Variants in RGS7 observed in about 807,000 individuals in gnomAD.
RGS7 encodes the protein regulator of G protein signaling 7, also known as regulator of G-protein signaling 7.
Under a neutral mutation model 81.1 loss-of-function variants are expected in RGS7, and 27 were observed. The observed-to-expected ratio is 0.33, with a 90% CI of 0.25 to 0.46. RGS7 has a LOEUF of 0.46. RGS7 is among the 20% of genes least tolerant of loss of function. The probability of loss-of-function intolerance (pLI) is 1.00; values close to 1 mark genes in which losing one functional copy is unlikely to be tolerated. For synonymous variants in RGS7, 208 were observed against 207.7 expected, an observed-to-expected ratio of 1.00 and a Z score of -0.01; for missense variants, 396 against 607.4, an observed-to-expected ratio of 0.65 and a Z score of 3.66.
intron 6 of RGS7, among the ~76,000 whole-genome samples, chr1:240,891,521 A>T (rs1029672028): frequency 1.3e-5 from 2 of 152,200 alleles, no homozygotes; most frequent in African/African-American, 4.8e-5. Flanking sequence ...GTAAGAAATT[A>T]AAATGAAGTC....
At chr1:240,898,219 T>C (rs1478226240) in intron 6 of RGS7, among the ~76,000 whole-genome samples, 3 of 152,172 alleles carry the variant, frequency 2.0e-5, no homozygotes, top group Non-Finnish European at 2.9e-5. Flanking sequence ...TTTGTTGATC[T>C]TTTCAAAAAA....
intron 9 of RGS7, among the ~76,000 whole-genome samples, chr1:240,857,570 CT>C (rs1661374085): frequency 1.3e-5 from 2 of 152,056 alleles, no homozygotes; most frequent in Admixed American, 1.3e-4. Flanking sequence ...AACCCTTCAT[CT>C]TTTTCCTGTC....
intron 2 of RGS7, among the ~76,000 whole-genome samples, chr1:241,223,243 A>G (rs1053156905): frequency 5.9e-5 from 9 of 152,332 alleles, no homozygotes; most frequent in Non-Finnish European, 1.2e-4. Flanking sequence ...TGGCAGCTAT[A>G]ACAGTCACAA....
chr1:240,928,285 A>G (rs927614946), intron 6 of RGS7, among the ~76,000 whole-genome samples: 11 of 152,090 alleles, frequency 7.2e-5, no homozygotes, highest in Admixed American at 1.3e-4. Flanking sequence ...CTTTTCCAAC[A>G]CACTGGATTT....
At chr1:241,083,334 G>A (rs967375959) in intron 3 of RGS7, among the ~76,000 whole-genome samples, 1 of 151,852 alleles carries the variant, frequency 6.6e-6, no homozygotes, top group Admixed American at 6.6e-5. Context: ...AGCCCAAGTG[G>A]TTGAGATTAA....
At chr1:241,034,761 G>A (rs1052743495) in intron 3 of RGS7, among the ~76,000 whole-genome samples, 2 of 152,130 alleles carry the variant, frequency 1.3e-5, no homozygotes, top group African/African-American at 4.8e-5. Context: ...TCAGATAGAA[G>A]TTATCGAGGC....
At chr1:241,203,402 T>C (rs2073661463) in intron 2 of RGS7, among the ~76,000 whole-genome samples, 1 of 152,050 alleles carries the variant, frequency 6.6e-6, no homozygotes, top group Admixed American at 6.6e-5. Flanking sequence ...CTGGCTAATT[T>C]TTGTATTTTT....
chr1:240,959,266 T>C (rs978732519), intron 4 of RGS7, among the ~76,000 whole-genome samples: 4 of 152,182 alleles, frequency 2.6e-5, no homozygotes, highest in Admixed American at 6.5e-5. Flanking sequence ...AATACAGCCA[T>C]GTATCTCATG....
intron 2 of RGS7, among the ~76,000 whole-genome samples, chr1:241,187,546 C>G (rs1331099813): frequency 6.6e-6 from 1 of 152,138 alleles, no homozygotes; most frequent in Non-Finnish European, 1.5e-5. Context: ...GGAATAATTG[C>G]AGTCTCGTTT....
At chr1:240,882,822 T>C (rs1182697363) in intron 6 of RGS7, among the ~76,000 whole-genome samples, 1 of 152,152 alleles carries the variant, frequency 6.6e-6, no homozygotes, top group Non-Finnish European at 1.5e-5. Context: ...CATTACAGAT[T>C]GTATGTTACC....
chr1:240,877,380 TC>T (rs1665610359), intron 6 of RGS7, among the ~76,000 whole-genome samples: 1 of 151,066 alleles, frequency 6.6e-6, no homozygotes, highest in African/African-American at 2.4e-5. Context: ...ACCATTTCTG[TC>T]ATTATTTGGT....
At chr1:241,043,299 A>G (rs1000122878) in intron 3 of RGS7, among the ~76,000 whole-genome samples, 1 of 151,888 alleles carries the variant, frequency 6.6e-6, no homozygotes, top group African/African-American at 2.4e-5. Flanking sequence ...TTTGTCTCAA[A>G]TTGTGTAGCT....
At chr1:240,787,355 C>T (rs752026455) in intron 18 of RGS7, among the ~76,000 whole-genome samples, 2 of 152,126 alleles carry the variant, frequency 1.3e-5, no homozygotes, top group Non-Finnish European at 2.9e-5. Context: ...CATAGAGATG[C>T]TCCTTTATTC....
chr1:240,780,231 G>A (rs530069891), intron 18 of RGS7, among the ~76,000 whole-genome samples: 3 of 152,040 alleles, frequency 2.0e-5, no homozygotes, highest in Non-Finnish European at 4.4e-5. Context: ...TGGATCACTT[G>A]AGGCCAGGAG....
chr1:241,136,449 G>A (rs886560861), intron 2 of RGS7, among the ~76,000 whole-genome samples: 3 of 152,104 alleles, frequency 2.0e-5, no homozygotes, highest in Non-Finnish European at 2.9e-5. Flanking sequence ...TGGAGATAAG[G>A]GGGGGGATGT....
chr1:240,808,568 G>T (rs1689285334), intron 14 of RGS7, among the ~76,000 whole-genome samples: 1 of 152,120 alleles, frequency 6.6e-6, no homozygotes. Flanking sequence ...CTTATTTAAG[G>T]TTGCTCACTA....
At chr1:241,064,183 CAAAA>C (rs140883852) in intron 3 of RGS7, among the ~76,000 whole-genome samples, 7 of 78,170 alleles carry the variant, frequency 9.0e-5, no homozygotes, top group Non-Finnish European at 1.3e-4. Context: ...AACTCAGTTT[CAAAA>C]AAAAAAAAAA....
At chr1:240,857,477 T>C (rs1437229422) in intron 9 of RGS7, among the ~76,000 whole-genome samples, 1 of 152,178 alleles carries the variant, frequency 6.6e-6, no homozygotes, top group Non-Finnish European at 1.5e-5. Flanking sequence ...ACAATATGTA[T>C]CCACCATTAA....
At chr1:241,284,588 C>T (rs1400487725) in intron 2 of RGS7, among the ~76,000 whole-genome samples, 1 of 152,156 alleles carries the variant, frequency 6.6e-6, no homozygotes, top group Non-Finnish European at 1.5e-5. Flanking sequence ...AGATTCAAGT[C>T]CAGCTATCCA....
Sources: allele counts gnomAD v4.1 joint callset (sites outside exome capture counted in the v4.1 genomes callset), GRCh38; gene constraint gnomAD v4.1.1; transcripts MANE v1.5; gene names NCBI Gene and HGNC (gene_info 2026-07-23, HGNC 2026-07-21).